Variants in HPSE2 observed in about 807,000 individuals in gnomAD.
HPSE2 encodes heparanase 2 (inactive), also known as inactive heparanase-2.
HPSE2 carries 38 observed loss-of-function variants against 60.5 expected under a neutral mutation model. The observed-to-expected ratio is 0.63, with a 90% CI of 0.48 to 0.82. The LOEUF (loss-of-function observed/expected upper bound fraction) is 0.82, where lower values mean the gene tolerates loss of function less well. HPSE2 is among the 40% of genes least tolerant of loss of function. The pLI, the probability that HPSE2 is intolerant of heterozygous loss-of-function variation, is 0.00. For missense variants in HPSE2, 713 were observed against 740.4 expected (o/e 0.96, Z 0.43); for synonymous variants, 295 against 293.2 (o/e 1.01, Z -0.06).
chr10:99,016,004 A>C (rs1037686053), intron 3 of HPSE2, among the ~76,000 whole-genome samples: 24 of 152,070 alleles, frequency 1.6e-4, no homozygotes, highest in African/African-American at 5.3e-4. Context: ...TTACTCTGTT[A>C]ATAGTTTCTT....
At chr10:98,672,107 C>G (rs922253312) in intron 6 of HPSE2, among the ~76,000 whole-genome samples, 1 of 152,194 alleles carries the variant, frequency 6.6e-6, no homozygotes, top group Non-Finnish European at 1.5e-5. Flanking sequence ...TCCTTGACTT[C>G]TATAGGCCAA....
chr10:98,643,987 C>T (rs1946702812), intron 6 of HPSE2, among the ~76,000 whole-genome samples: 2 of 152,184 alleles, frequency 1.3e-5, no homozygotes, highest in Admixed American at 1.3e-4. Context: ...TAGCAACACA[C>T]ATAGTTTAAT....
At chr10:99,196,786 T>C (rs1407528504) in intron 2 of HPSE2, among the ~76,000 whole-genome samples, 3 of 152,158 alleles carry the variant, frequency 2.0e-5, no homozygotes, top group African/African-American at 7.2e-5. Context: ...TAGATTAGTA[T>C]GACCACTATG....
intron 9 of HPSE2, among the ~76,000 whole-genome samples, chr10:98,550,807 C>G (rs1030399866): frequency 2.0e-5 from 3 of 151,996 alleles, no homozygotes; most frequent in Non-Finnish European, 4.4e-5. Context: ...TAGGGTCTTG[C>G]TTTGTTGCCC....
intron 3 of HPSE2, among the ~76,000 whole-genome samples, chr10:98,979,412 A>T (rs928808535): frequency 1.3e-5 from 2 of 152,170 alleles, no homozygotes; most frequent in Admixed American, 6.5e-5. Flanking sequence ...CCTATTTTTT[A>T]AAAAATAAGC....
At chr10:98,465,431 G>A (rs1201747246) in intron 11 of HPSE2, among the ~76,000 whole-genome samples, 3 of 152,166 alleles carry the variant, frequency 2.0e-5, no homozygotes, top group Non-Finnish European at 4.4e-5. Flanking sequence ...TTGCACTGAC[G>A]CCCTTAACCA....
At chr10:98,944,873 AG>A (rs558824014) in intron 3 of HPSE2, among the ~76,000 whole-genome samples, 5 of 152,276 alleles carry the variant, frequency 3.3e-5, no homozygotes, top group Admixed American at 2.6e-4. Context: ...TTGGAAAGAA[AG>A]GGTACTTGAA....
chr10:98,564,849 T>G (rs1944294352), intron 9 of HPSE2, among the ~76,000 whole-genome samples: 1 of 152,188 alleles, frequency 6.6e-6, no homozygotes, highest in African/African-American at 2.4e-5. Context: ...TTTCCAACCA[T>G]CATTGAAAGT....
the HPSE2 span, among the ~76,000 whole-genome samples, chr10:99,299,495 T>C: frequency 1.3e-5 from 2 of 152,240 alleles, no homozygotes; most frequent in African/African-American, 2.4e-5. Flanking sequence ...TTGCTTTAAC[T>C]TGGCATGGCA....
chr10:98,662,279 G>A (rs200961766), intron 6 of HPSE2, among the ~76,000 whole-genome samples: 5 of 152,030 alleles, frequency 3.3e-5, no homozygotes, highest in African/African-American at 7.3e-5. Context: ...GTGCCCCCCC[G>A]GAAACTGACA....
At chr10:99,161,183 T>A (rs1846826167) in intron 2 of HPSE2, among the ~76,000 whole-genome samples, 1 of 149,906 alleles carries the variant, frequency 6.7e-6, no homozygotes, top group African/African-American at 2.5e-5. Context: ...GTCCCATCAC[T>A]GCACTCCCGC....
intron 11 of HPSE2, among the ~76,000 whole-genome samples, chr10:98,468,578 C>T (rs1316276565): frequency 6.6e-6 from 1 of 151,980 alleles, no homozygotes; most frequent in Non-Finnish European, 1.5e-5. Flanking sequence ...CTTTTAGCGT[C>T]CCTCTCAGGC....
chr10:98,610,854 AT>A (rs1220598613), intron 9 of HPSE2, among the ~76,000 whole-genome samples: 1 of 152,192 alleles, frequency 6.6e-6, no homozygotes, highest in Non-Finnish European at 1.5e-5. Context: ...AGTTAAGAAG[AT>A]GTCGACTAGT....
At chr10:99,257,947 G>A in the HPSE2 span, among the ~76,000 whole-genome samples, 14 of 151,964 alleles carry the variant, frequency 9.2e-5, no homozygotes, top group South Asian at 2.1e-3. Flanking sequence ...CGTGACTATC[G>A]GGGACAGGTT....
intron 6 of HPSE2, among the ~76,000 whole-genome samples, chr10:98,686,319 T>C (rs914315438): frequency 6.6e-6 from 1 of 152,216 alleles, no homozygotes; most frequent in African/African-American, 2.4e-5. Context: ...TTTGCTGGAT[T>C]CCACAAATTT....
chr10:99,172,648 TG>T (rs1408539021), intron 2 of HPSE2, among the ~76,000 whole-genome samples: 2 of 152,000 alleles, frequency 1.3e-5, no homozygotes, highest in African/African-American at 4.8e-5. Flanking sequence ...GAGGCCAGGG[TG>T]GGGGGATCAC....
chr10:99,068,914 T>C (rs896738066), intron 3 of HPSE2, among the ~76,000 whole-genome samples: 4 of 152,080 alleles, frequency 2.6e-5, no homozygotes, highest in Non-Finnish European at 5.9e-5. Context: ...CAAAACAGGC[T>C]CAAGGAAACA....
intron 3 of HPSE2, among the ~76,000 whole-genome samples, chr10:98,766,419 T>C (rs1292366417): frequency 6.6e-6 from 1 of 152,120 alleles, no homozygotes; most frequent in Admixed American, 6.5e-5. Context: ...CAGAAGGAAA[T>C]AGTTCTTAAT....
Position 98,693,937 on chromosome 10 carries a change from C to T in HPSE2, c.967G>A (p.Val323Met). ...VIALLDGFMK[V>M]AGSTVDAVTW... ...ACTGCATCTACTGTACTTCCTGCCA[C>T]CTTCATGAATCTGTAAGGAATAGAA... Residue 323 changes from valine to methionine, a missense_variant, in exon 6 of 12, where the codon GTG (valine) becomes ATG (methionine). Transcript: ENST00000370552. 6.2e-7 allele frequency: 1 copy of T among 1,612,634 alleles called. No individual in the cohort carries two copies. Among genetic ancestry groups the T allele is most frequent in the South Asian group, 1.1e-5 (1 of 91,048 alleles).
Sources: gnomAD v4.1 joint callset for allele counts (sites outside exome capture counted in the v4.1 genomes callset) on GRCh38, gnomAD v4.1.1 for gene constraint, MANE v1.5 for transcripts, NCBI Gene and HGNC (gene_info 2026-07-23, HGNC 2026-07-21) for gene names.